Variants in PEAK1 observed in about 807,000 individuals in gnomAD.
PEAK1 encodes the protein pseudopodium enriched atypical kinase 1.
Under a neutral mutation model 124.7 loss-of-function variants are expected in PEAK1, and 54 were observed. That is an observed-to-expected ratio of 0.43 (90% CI 0.35 to 0.54). The LOEUF is 0.54. Ranked by LOEUF, PEAK1 falls within the 20% of genes least tolerant of loss-of-function variation. The pLI, the probability that PEAK1 is intolerant of heterozygous loss-of-function variation, is 0.01. For synonymous variants in PEAK1, 719 were observed against 760.0 expected (o/e 0.95, Z 0.89); for missense variants, 2,046 against 2,134.5 (o/e 0.96, Z 0.82).
Position 77,234,033 on chromosome 15 carries a change from T to G in PEAK1, c.-115+18334A>C, listed in dbSNP as rs1165446971. Among the ~76,000 whole-genome samples, 8 of 152,122 alleles carry G rather than the reference T, an allele frequency of 5.3e-5. No homozygotes were observed. In the East Asian group the frequency reaches 1.3e-3, roughly 26 times the overall value. The stretch of plus-strand genomic sequence containing the variant: ...GGTGGGTGTCACTGTACCTGGCTAA[T>G]TTTTAAACTTTTTGTAGAGATGGGA... On this transcript the variant is annotated intron_variant, in intron 6 of 9. Transcript: ENST00000682557.
At chr15:77,398,772 G>A (rs1019438953) in intron 1 of PEAK1, among the ~76,000 whole-genome samples, 1 of 152,044 alleles carries the variant, frequency 6.6e-6, no homozygotes, top group East Asian at 1.9e-4. Context: ...AGAGCAATCA[G>A]ACAAGAGAAA....
At chr15:77,220,601 T>TC (rs2059345178) in intron 6 of PEAK1, among the ~76,000 whole-genome samples, 2 of 146,776 alleles carry the variant, frequency 1.4e-5, no homozygotes, top group South Asian at 2.1e-4. Flanking sequence ...TATCAAAACA[T>TC]CCCCAGGCAA....
rs1255256988 is a variant in PEAK1 at position 77,313,648 on chromosome 15, ATGTATGTGTGTG to A, written c.-602-27156_-602-27145del. On this transcript the variant is annotated intron_variant, in intron 2 of 9. Coordinates refer to ENST00000682557, the MANE Select transcript of PEAK1 (RefSeq NM_001385026.1). ...TGCCCAGTAATGTATGTATGTATGT[ATGTATGTGTGTG>A]TGTGTGTGTGTGTGTGTGTGTGTGT... Among the ~76,000 whole-genome samples the A allele has an allele frequency of 1.3e-3, 110 of 87,570 alleles. 1 individual carries two copies. The highest frequency in any genetic ancestry group is 2.0e-3 in the African/African-American group (46 of 23,464). The allele number at this position is 87,570 out of a possible 152,430, so 57.4% of individuals were successfully genotyped here. A position where few individuals can be genotyped will look rare whatever the true frequency, so the allele number is the denominator to read the frequency against.
chr15:77,268,717 G>A (rs1484745980), intron 5 of PEAK1, among the ~76,000 whole-genome samples: 1 of 152,020 alleles, frequency 6.6e-6, no homozygotes, highest in Non-Finnish European at 1.5e-5. Flanking sequence ...TAGTCATCAG[G>A]TTATCTAAAA....
intron 9 of PEAK1, among the ~76,000 whole-genome samples, chr15:77,132,402 A>G (rs974794323): frequency 6.6e-6 from 1 of 151,736 alleles, no homozygotes; most frequent in Admixed American, 6.6e-5. Flanking sequence ...CTACTTTAAA[A>G]GGACTTCTTT....
chr15:77,418,794 C>G (rs1430776655), intron 1 of PEAK1: 2 of 985,154 alleles, frequency 2.0e-6, no homozygotes, highest in Admixed American at 6.2e-5. Flanking sequence ...GGTTCTCTGA[C>G]TATACACATC....
intron 6 of PEAK1, among the ~76,000 whole-genome samples, chr15:77,184,585 A>G (rs1457064137): frequency 1.3e-5 from 2 of 152,236 alleles, no homozygotes; most frequent in Admixed American, 6.5e-5. Flanking sequence ...AACTGCATAC[A>G]TTTGTCAAAA....
chr15:77,270,446 C>A (rs574123234), intron 5 of PEAK1, among the ~76,000 whole-genome samples: 1 of 152,312 alleles, frequency 6.6e-6, no homozygotes, highest in East Asian at 1.9e-4. Flanking sequence ...GACACAAAAT[C>A]AATGTGCAAA....
intron 2 of PEAK1, chr15:77,352,404 A>T: frequency 2.0e-6 from 2 of 985,314 alleles, no homozygotes; most frequent in Non-Finnish European, 2.4e-6. Context: ...TCCACTTCCA[A>T]GACAGGTCCT....
At chr15:77,319,897 T>C (rs2065092319) in intron 2 of PEAK1, among the ~76,000 whole-genome samples, 6 of 152,312 alleles carry the variant, frequency 3.9e-5, no homozygotes, top group Admixed American at 2.6e-4. Context: ...ATTTGCAAAG[T>C]GGGAAGCTGC....
chr15:77,127,022 C>T (rs1353972928), intron 9 of PEAK1, among the ~76,000 whole-genome samples: 1 of 152,166 alleles, frequency 6.6e-6, no homozygotes, highest in Non-Finnish European at 1.5e-5. Context: ...ATTTTGGAGA[C>T]AGGGCTAACA....
intron 6 of PEAK1, among the ~76,000 whole-genome samples, chr15:77,221,449 T>G (rs1422584730): frequency 6.6e-6 from 1 of 151,908 alleles, no homozygotes; most frequent in Non-Finnish European, 1.5e-5. Context: ...GTAGATATTT[T>G]GAAACATAGG....
chr15:77,115,404 G>A, intron 9 of PEAK1, 85 bp from the exon 10 acceptor site: 1 of 1,255,952 alleles, frequency 8.0e-7, no homozygotes, highest in Non-Finnish European at 1.1e-6. Flanking sequence ...GAAGGTGACT[G>A]GTTAGGGACA....
At chr15:77,276,286 C>A (rs535712174) in intron 5 of PEAK1, among the ~76,000 whole-genome samples, 1 of 152,236 alleles carries the variant, frequency 6.6e-6, no homozygotes. Context: ...CAGGCCAAAA[C>A]ACATCAAAGT....
Position 77,181,418 on chromosome 15 carries a change from G to C in PEAK1, c.509C>G (p.Thr170Arg). The change falls in exon 7 of 10, where the codon ACA becomes AGA. Residue 170 changes from threonine to arginine, a missense_variant. Thr to Arg is a moderately conservative substitution (Grantham distance 71). Coordinates refer to ENST00000682557, the MANE Select transcript of PEAK1 (RefSeq NM_001385026.1). ...DTAPQIRGNE[T>R]NSRETFLGRI... ...TCCCAAGAATGTTTCTCTGGAGTTTGTTTCATTTCCTCTTATCTGAGGGGC... is the reference window on the plus strand; with the variant it reads ...TCCCAAGAATGTTTCTCTGGAGTTTCTTTCATTTCCTCTTATCTGAGGGGC... 6.2e-7 allele frequency: 1 copy of C among 1,614,032 alleles called. No homozygotes were observed. Among genetic ancestry groups the C allele is most frequent in the Middle Eastern group, 1.6e-4 (1 of 6,062 alleles).
intron 6 of PEAK1, among the ~76,000 whole-genome samples, chr15:77,234,436 CTTAT>C (rs1348839188): frequency 2.6e-5 from 4 of 152,074 alleles, no homozygotes; most frequent in African/African-American, 2.4e-5. Context: ...CAATTGTTTA[CTTAT>C]TTAAGCAAAT....
intron 1 of PEAK1, among the ~76,000 whole-genome samples, chr15:77,366,044 A>G (rs2068214203): frequency 6.6e-6 from 1 of 152,224 alleles, no homozygotes; most frequent in Non-Finnish European, 1.5e-5. Flanking sequence ...TGAAATTAAA[A>G]TGAGATATCA....
intron 1 of PEAK1, chr15:77,403,196 A>C (rs1198657266): frequency 1.0e-6 from 1 of 985,286 alleles, no homozygotes; most frequent in Admixed American, 6.2e-5. Flanking sequence ...ATGAGATTGT[A>C]TTTGTCTCTC....
At chr15:77,226,615 AAAAT>A (rs1291519738) in intron 6 of PEAK1, among the ~76,000 whole-genome samples, 3 of 152,122 alleles carry the variant, frequency 2.0e-5, no homozygotes, top group African/African-American at 7.2e-5. Context: ...TTCAAAGCCC[AAAAT>A]AAATCTGTCT....
Sources: allele counts gnomAD v4.1 joint callset (sites outside exome capture counted in the v4.1 genomes callset), GRCh38; gene constraint gnomAD v4.1.1; transcripts MANE v1.5; gene names NCBI Gene and HGNC (gene_info 2026-07-23, HGNC 2026-07-21).